The following ZSCAN29 variants were observed in gnomAD, a reference collection of about 807,000 sequenced individuals.
ZSCAN29 encodes the protein zinc finger and SCAN domain-containing protein 29.
A neutral mutation model predicts 71.9 loss-of-function variants in ZSCAN29; 55 were observed. The observed-to-expected ratio is 0.76, with a 90% CI of 0.62 to 0.96. The LOEUF (loss-of-function observed/expected upper bound fraction) is 0.96, where lower values mean the gene tolerates loss of function less well. Ranked by LOEUF, ZSCAN29 falls within the 40% of genes least tolerant of loss-of-function variation. ZSCAN29 has a pLI of 0.00. For synonymous variants in ZSCAN29, 351 were observed against 371.6 expected (o/e 0.94, Z 0.64); for missense variants, 1,042 against 1,042.2 (o/e 1.00, Z 0.00).
Position 43,358,586 on chromosome 15 carries a change from A to G in ZSCAN29, c.*2487T>C, listed in dbSNP as rs968534719. ...CAAGCTATGAATTATAGAATACTAT[A>G]TCTTCCTACTGCTCTCCCTGATCTT... On this transcript the variant is annotated 3_prime_UTR_variant, in exon 6 of 6. Transcript: ENST00000684362. The G allele has an allele frequency of 2.0e-5, 3 of 152,256 alleles. No homozygotes were observed. Among genetic ancestry groups the G allele is most frequent in the Admixed American group, 6.5e-5 (1 of 15,288 alleles). The allele number at this position is 152,256 out of a possible 1,614,324, so 9.4% of individuals were successfully genotyped here.
rs141880595 is a variant in ZSCAN29 at position 43,361,836 on chromosome 15, C to G, written c.1796G>C (p.Arg599Pro). The change falls in exon 6 of 6, where the codon CGG (arginine) becomes CCG (proline). Residue 599 changes from arginine to proline, a missense_variant. Transcript: ENST00000684362. ...LLARSERKIP[R>P]YLHQGKGNES... is the part of the protein sequence containing the mutation. ...ATTGCCTTTACCCTGATGAAGATAC[C>G]GGGGAATTTTCCTTTCAGATCTTGC... The G allele has an allele frequency of 1.9e-6, 3 of 1,614,132 alleles. No homozygotes were observed. The Admixed American group carries it at 5.0e-5, about 27-fold the overall frequency.
At chr15:43,368,089 T>C (rs2044057197) in intron 3 of ZSCAN29, among the ~76,000 whole-genome samples, 1 of 152,170 alleles carries the variant, frequency 6.6e-6, no homozygotes, top group South Asian at 2.1e-4. Flanking sequence ...ATACAAGACA[T>C]TGCAAGATTC....
In ZSCAN29 at chr15:43,366,359, C is replaced by T. The variant is rs1008661276; in HGVS notation, c.973G>A (p.Glu325Lys). 6.2e-7 allele frequency: 1 copy of T among 1,613,826 alleles called. No homozygotes were observed. Among genetic ancestry groups the T allele is most frequent in the African/African-American group, 1.3e-5 (1 of 74,916 alleles). Residue 325 changes from glutamate to lysine, a missense_variant, in exon 4 of 6, where the codon GAA becomes AAA. By Grantham distance (56) the Glu-to-Lys change is moderately conservative. Transcript: ENST00000684362. ...GHPPETCPFFEEMEALMSAQV... is the reference protein window; with the variant it reads ...GHPPETCPFFKEMEALMSAQV... ...GCACTCATCAGGGCTTCCATCTCTT[C>T]AAAGAAGGGGCAGGTCTCAGGTGGG...
chr15:43,366,090 C>A lies in ZSCAN29; in HGVS notation c.1222+20G>T. ...TTCCCCAAGTCTAATTCCAAAACTC[C>A]AAGAAGAAAAGCTTCTTACCACCTG... is the stretch of plus-strand genomic sequence containing the variant. On this transcript the variant is annotated intron_variant, in intron 4 of 5. Coordinates refer to ENST00000684362, the MANE Select transcript of ZSCAN29 (RefSeq NM_001372080.1). 6.4e-7 allele frequency: 1 copy of A among 1,571,618 alleles called. No homozygotes were observed. The highest frequency in any genetic ancestry group is 8.6e-7 in the Non-Finnish European group (1 of 1,159,400).
rs753746345 is a variant in ZSCAN29, at chr15:43,366,808, C to G, written c.524G>C (p.Gly175Ala). ...CACACCGGATTTAGGAAATGGCAAT[C>G]CTGCTTGCAGGGAAACAAACAAAAG... is the stretch of plus-strand genomic sequence containing the variant. ...KEKLKPFQRS[G>A]LPFPKSGVVS... is the part of the protein sequence containing the mutation. The change falls in exon 4 of 6, where the codon GGA becomes GCA. Residue 175 changes from glycine to alanine, a missense_variant and splice_region_variant. Gly to Ala is a moderately conservative substitution (Grantham distance 60, BLOSUM62 0). Transcript: ENST00000684362. 17 of 1,602,870 alleles carry G rather than the reference C, an allele frequency of 1.1e-5. No individual in the cohort carries two copies. The highest frequency in any genetic ancestry group is 1.4e-5 in the Non-Finnish European group (17 of 1,176,024).
rs953980091 is a variant in ZSCAN29 at position 43,369,346 on chromosome 15, G to C, written c.319-219C>G. ...GATCAAAATAGTAAACCCACCTTCA[G>C]GCTGAAAAAAAAAAATCCCCTTTCT... On this transcript the variant is annotated intron_variant, in intron 2 of 5. Transcript: ENST00000684362. 12 of 594,308 alleles carry C rather than the reference G, an allele frequency of 2.0e-5. No homozygotes were observed. In the African/African-American group the frequency reaches 2.1e-4, roughly 10 times the overall value. The allele number at this position is 594,308 out of a possible 1,614,324, so 36.8% of individuals were successfully genotyped here.
chr15:43,364,892 C>CAAAAAAAAAAAA (rs57976198), intron 4 of ZSCAN29, among the ~76,000 whole-genome samples: 1 of 38,938 alleles, frequency 2.6e-5, no homozygotes, highest in African/African-American at 8.7e-5. Context: ...GACTCTGTCT[C>CAAAAAAAAAAAA]AAAAAAAAAA....
At chr15:43,367,075 C>T (rs1183335399) in intron 3 of ZSCAN29, among the ~76,000 whole-genome samples, 1 of 152,206 alleles carries the variant, frequency 6.6e-6, no homozygotes, top group Non-Finnish European at 1.5e-5. Context: ...TCCAAGCTCT[C>T]CTATTTGTAG....
chr15:43,360,166 A>G lies in ZSCAN29; in HGVS notation c.*907T>C, dbSNP rs2043965001. 1 of 151,978 alleles carries G rather than the reference A, an allele frequency of 6.6e-6. No individual in the cohort carries two copies. Among genetic ancestry groups the G allele is most frequent in the African/African-American group, 2.4e-5 (1 of 41,356 alleles). The allele number at this position is 151,978 out of a possible 1,614,324, so 9.4% of individuals were successfully genotyped here. A position where few individuals can be genotyped will look rare whatever the true frequency, so the allele number is the denominator to read the frequency against. On this transcript the variant is annotated 3_prime_UTR_variant, in exon 6 of 6. Coordinates refer to ENST00000684362, the MANE Select transcript of ZSCAN29 (RefSeq NM_001372080.1). Reference sequence around the variant, plus strand: ...CAAAACCAGCCTGGCCAACATGGTGAAACCCCATCTCTACTAAAAATGCAA... The same window carrying G: ...CAAAACCAGCCTGGCCAACATGGTGGAACCCCATCTCTACTAAAAATGCAA...
At chr15:43,364,874 A>G (rs1166412830) in intron 4 of ZSCAN29, among the ~76,000 whole-genome samples, 1 of 149,168 alleles carries the variant, frequency 6.7e-6, no homozygotes, top group African/African-American at 2.5e-5. Context: ...CAGCCTGGAC[A>G]ACAAAGCGAC....
Position 43,364,202 on chromosome 15 carries a change from A to G in ZSCAN29, c.1403T>C (p.Leu468Pro). 6.2e-7 allele frequency: 1 copy of G among 1,614,228 alleles called. No individual in the cohort carries two copies. The highest frequency in any genetic ancestry group is 1.1e-5 in the South Asian group (1 of 91,082). The part of the protein sequence containing the change: ...PEQCRTKFKS[L>P]QTSYRKVKNG... ...CTTAACTTTCCGATAGCTGGTTTGC[A>G]GGCTTTTAAACTTGGTCCGACACTG... Residue 468 changes from leucine to proline, a missense_variant, in exon 5 of 6, where the codon CTG becomes CCG. Physicochemically the swap from Leu to Pro is moderately conservative, Grantham distance 98 (BLOSUM62 -3). Transcript: ENST00000684362.
At chr15:43,362,787 A>AT (rs2043994937) in intron 5 of ZSCAN29, among the ~76,000 whole-genome samples, 1 of 152,190 alleles carries the variant, frequency 6.6e-6, no homozygotes, top group African/African-American at 2.4e-5. Context: ...TCCCAAACCT[A>AT]TAAGTTATTT....
In ZSCAN29 at chr15:43,360,393, T is replaced by G. The variant is rs2043967128; in HGVS notation, c.*680A>C. 6.6e-6 allele frequency: 1 copy of G among 150,716 alleles called. No individual in the cohort carries two copies. The highest frequency in any genetic ancestry group is 1.5e-5 in the Non-Finnish European group (1 of 68,090). 9.3% of individuals were successfully genotyped at this position (150,716 alleles called of 1,614,324 possible). A position where few individuals can be genotyped will look rare whatever the true frequency, so the allele number is the denominator to read the frequency against. On this transcript the variant is annotated 3_prime_UTR_variant, in exon 6 of 6. Transcript: ENST00000684362. ...GCTCATGCCTGTAATCCCAGCACTT[T>G]GGGAGGCCGAGGCAGGCAGATCACC...
chr15:43,366,811 G>A lies in ZSCAN29; in HGVS notation c.524-3C>T. Reference sequence around the variant, plus strand: ...ACCGGATTTAGGAAATGGCAATCCTGCTTGCAGGGAAACAAACAAAAGTTG... The same window carrying A: ...ACCGGATTTAGGAAATGGCAATCCTACTTGCAGGGAAACAAACAAAAGTTG... On this transcript the variant is annotated splice_polypyrimidine_tract_variant and splice_region_variant and intron_variant, in intron 3 of 5. Transcript: ENST00000684362. 1 of 1,600,010 alleles carries A rather than the reference G, an allele frequency of 6.2e-7. No homozygotes were observed. Among genetic ancestry groups the A allele is most frequent in the African/African-American group, 1.3e-5 (1 of 74,104 alleles).
chr15:43,364,283 A>G lies in ZSCAN29; in HGVS notation c.1322T>C (p.Leu441Pro), dbSNP rs764305921. Residue 441 changes from leucine (L) to proline (P), a missense_variant, in exon 5 of 6, where the codon CTG (leucine) becomes CCG (proline). Leu to Pro is a moderately conservative substitution (Grantham distance 98). Transcript: ENST00000684362. ...ALRNCHRNSQ[L>P]YGAVAERLWE... ...TAACCTCTCAGCCACTGCTCCATACAGCTGGCTGTTGCGGTGACAGTTCCG... is the reference window on the plus strand; with the variant it reads ...TAACCTCTCAGCCACTGCTCCATACGGCTGGCTGTTGCGGTGACAGTTCCG... 14 of 1,614,112 alleles carry G rather than the reference A, an allele frequency of 8.7e-6. No individual in the cohort carries two copies.
Position 43,369,927 on chromosome 15 carries a change from C to T in ZSCAN29, c.-14G>A. On this transcript the variant is annotated 5_prime_UTR_variant, in exon 2 of 6. Coordinates refer to ENST00000684362, the MANE Select transcript of ZSCAN29 (RefSeq NM_001372080.1). ...TTTGGCCATCATTAATAGCAGAATG[C>T]AGCTTCCCTTCGCTTAGGAGTCTGG... is the stretch of plus-strand genomic sequence containing the variant. 6.3e-7 allele frequency: 1 copy of T among 1,580,196 alleles called. No individual in the cohort carries two copies. The highest frequency in any genetic ancestry group is 8.6e-7 in the Non-Finnish European group (1 of 1,166,038).
Position 43,369,656 on chromosome 15 carries a change from T to C in ZSCAN29, c.258A>G (p.Gly86=). 1 of 1,614,172 alleles carries C rather than the reference T, an allele frequency of 6.2e-7. No individual in the cohort carries two copies. The highest frequency in any genetic ancestry group is 8.5e-7 in the Non-Finnish European group (1 of 1,180,018). The change falls in exon 2 of 6, where the codon GGA becomes GGG. Residue 86 remains glycine (G), a synonymous_variant. Coordinates refer to ENST00000684362, the MANE Select transcript of ZSCAN29 (RefSeq NM_001372080.1). Reference sequence around the variant, plus strand: ...CTTCCACGAGAGTCACTGCCTCCTCTCCATTTTCTGGACATTGTTCCTGTA... The same window carrying C: ...CTTCCACGAGAGTCACTGCCTCCTCCCCATTTTCTGGACATTGTTCCTGTA... ...NWVQEQCPEN[G]EEAVTLVEDL...
chr15:43,366,098 A>G lies in ZSCAN29; in HGVS notation c.1222+12T>C, dbSNP rs2044032848. Reference sequence around the variant, plus strand: ...GTCTAATTCCAAAACTCCAAGAAGAAAAGCTTCTTACCACCTGGGCTTCTG... The same window carrying G: ...GTCTAATTCCAAAACTCCAAGAAGAGAAGCTTCTTACCACCTGGGCTTCTG... On this transcript the variant is annotated intron_variant, in intron 4 of 5. Transcript: ENST00000684362. 2.5e-6 allele frequency: 4 copies of G among 1,578,396 alleles called. No homozygotes were observed. The East Asian group carries it at 6.8e-5, about 27-fold the overall frequency.
rs1219625243 is a variant in ZSCAN29 at position 43,358,746 on chromosome 15, C to T, written c.*2327G>A. ...AGATACTACGATTTCTGACCTTTAT[C>T]TCCCATAGGAGCTAGTCCCCTAAAA... On this transcript the variant is annotated 3_prime_UTR_variant, in exon 6 of 6. Coordinates refer to ENST00000684362, the MANE Select transcript of ZSCAN29 (RefSeq NM_001372080.1). 3 of 152,230 alleles carry T rather than the reference C, an allele frequency of 2.0e-5. No individual in the cohort carries two copies. Among genetic ancestry groups the T allele is most frequent in the Non-Finnish European group, 4.4e-5 (3 of 68,044 alleles). 9.4% of individuals were successfully genotyped at this position (152,230 alleles called of 1,614,324 possible).
Sources: gnomAD v4.1 joint callset for allele counts (sites outside exome capture counted in the v4.1 genomes callset) on GRCh38, gnomAD v4.1.1 for gene constraint, MANE v1.5 for transcripts, NCBI Gene and HGNC (gene_info 2026-07-23, HGNC 2026-07-21) for gene names.